The following ANO2 variants were observed in gnomAD, a reference collection of about 807,000 sequenced individuals.
ANO2 encodes the protein anoctamin 2.
In ANO2, 101 loss-of-function variants were observed where a neutral mutation model predicts 124.2. The observed-to-expected ratio is 0.81, with a 90% CI of 0.69 to 0.96. The LOEUF (loss-of-function observed/expected upper bound fraction) is 0.96. Among genes scored for constraint, ANO2 ranks in the 40% least tolerant of loss-of-function variants. The probability of loss-of-function intolerance (pLI) is 0.00; values close to 1 mark genes in which losing one functional copy is unlikely to be tolerated. For missense variants in ANO2, 1,293 were observed against 1,274.5 expected, an observed-to-expected ratio of 1.01 and a Z score of -0.22; for synonymous variants, 486 against 482.5, an observed-to-expected ratio of 1.01 and a Z score of -0.09.
intron 14 of ANO2, among the ~76,000 whole-genome samples, chr12:5,653,636 T>C (rs925336824): frequency 1.3e-5 from 2 of 152,190 alleles, no homozygotes; most frequent in African/African-American, 4.8e-5. Flanking sequence ...GAACATCAAA[T>C]ATGTACCAAG....
intron 3 of ANO2, among the ~76,000 whole-genome samples, chr12:5,894,687 C>A (rs1939649513): frequency 6.6e-6 from 1 of 152,120 alleles, no homozygotes; most frequent in Non-Finnish European, 1.5e-5. Flanking sequence ...AGGAAGGGAT[C>A]CAGTTTCAGT....
chr12:5,854,586 G>C (rs2137255871), intron 3 of ANO2, among the ~76,000 whole-genome samples: 1 of 152,192 alleles, frequency 6.6e-6, no homozygotes, highest in African/African-American at 2.4e-5. Context: ...TATTGTTCAA[G>C]TTTGTATTTT....
intron 4 of ANO2, among the ~76,000 whole-genome samples, chr12:5,847,116 T>G (rs1033798963): frequency 1.3e-5 from 2 of 152,186 alleles, no homozygotes; most frequent in African/African-American, 2.4e-5. Context: ...TAGAGCAGAT[T>G]ACCCTCCCTA....
chr12:5,630,311 T>G (rs547352051), intron 16 of ANO2, among the ~76,000 whole-genome samples: 17 of 152,354 alleles, frequency 1.1e-4, no homozygotes, highest in African/African-American at 3.6e-4. Context: ...TTCCATTAGG[T>G]GGCATTATCC....
At chr12:5,690,712 T>C (rs1298504336) in intron 14 of ANO2, among the ~76,000 whole-genome samples, 1 of 152,120 alleles carries the variant, frequency 6.6e-6, no homozygotes, top group African/African-American at 2.4e-5. Flanking sequence ...CCTATGACTC[T>C]TCCCTTGAGA....
At chr12:5,895,208 T>A (rs953835403) in intron 3 of ANO2, among the ~76,000 whole-genome samples, 1 of 152,210 alleles carries the variant, frequency 6.6e-6, no homozygotes, top group African/African-American at 2.4e-5. Context: ...GTCCTTCACA[T>A]CCCTTGTAAG....
intron 15 of ANO2, among the ~76,000 whole-genome samples, chr12:5,637,072 T>C (rs1217334101): frequency 6.9e-5 from 4 of 57,884 alleles, no homozygotes; most frequent in African/African-American, 2.8e-4. Flanking sequence ...TGCTGCAGGG[T>C]GGGGGTGGGG....
chr12:5,740,850 A>G (rs1951070833), intron 12 of ANO2: 1 of 152,264 alleles, frequency 6.6e-6, no homozygotes. Context: ...TTGACAACAT[A>G]TATCCCATGC....
At chr12:5,609,632 G>A (rs939512231) in intron 19 of ANO2, among the ~76,000 whole-genome samples, 1 of 152,062 alleles carries the variant, frequency 6.6e-6, no homozygotes, top group South Asian at 2.1e-4. Context: ...TGGAATGGGG[G>A]ATTGGGATAT....
intron 9 of ANO2, among the ~76,000 whole-genome samples, chr12:5,800,375 G>A (rs180706463): frequency 3.8e-4 from 58 of 152,304 alleles, no homozygotes; most frequent in African/African-American, 1.3e-3. Flanking sequence ...GGTTTTGAAG[G>A]AAGCCACTGG....
At chr12:5,758,624 C>A (rs1166324542) in intron 10 of ANO2, among the ~76,000 whole-genome samples, 1 of 152,158 alleles carries the variant, frequency 6.6e-6, no homozygotes, top group African/African-American at 2.4e-5. Flanking sequence ...TCACACAAAG[C>A]ATAAGGTAAT....
At chr12:5,619,596 TC>T (rs1363282257) in intron 16 of ANO2, among the ~76,000 whole-genome samples, 1 of 152,114 alleles carries the variant, frequency 6.6e-6, no homozygotes, top group Non-Finnish European at 1.5e-5. Context: ...GTATGCTGCT[TC>T]CAAGCCTGGG....
At chr12:5,641,217 C>T (rs1448743327) in intron 15 of ANO2, among the ~76,000 whole-genome samples, 1 of 149,330 alleles carries the variant, frequency 6.7e-6, no homozygotes, top group East Asian at 2.0e-4. Context: ...CACATTGGGG[C>T]CTGTCAGGGG....
rs539242302 is a variant in ANO2, at chr12:5,712,628, G to A, written c.1545+19892C>T. On this transcript the variant is annotated intron_variant, in intron 14 of 24. Transcript: ENST00000682330. ...AACTTGTGTTGTTTTAAGCCCTCCC[G>A]TTTGCAGTCACTTGTTGCAGCAGCC... is the stretch of plus-strand genomic sequence containing the variant. Among the ~76,000 whole-genome samples, 139 of 152,260 alleles carry A rather than the reference G, an allele frequency of 9.1e-4. 1 individual carries two copies. The highest frequency in any genetic ancestry group is 3.2e-3 in the African/African-American group (134 of 41,542).
At chr12:5,753,612 CTTAG>C (rs1290569994) in intron 10 of ANO2, among the ~76,000 whole-genome samples, 9 of 152,278 alleles carry the variant, frequency 5.9e-5, no homozygotes, top group Middle Eastern at 3.4e-3. Context: ...CTTTCACCCT[CTTAG>C]TTAAACTTAT....
intron 10 of ANO2, among the ~76,000 whole-genome samples, chr12:5,791,276 T>C (rs1408950765): frequency 9.9e-5 from 15 of 151,460 alleles, no homozygotes; most frequent in Admixed American, 9.9e-4. Flanking sequence ...GCTGACAATC[T>C]GACAACATGG....
chr12:5,721,512 G>GC (rs1950236599), intron 14 of ANO2, among the ~76,000 whole-genome samples: 1 of 130,030 alleles, frequency 7.7e-6, no homozygotes, highest in Non-Finnish European at 1.7e-5. Context: ...TTTTTTTTTT[G>GC]TTTTTTTTTA....
chr12:5,565,408 A>G, intron 24 of ANO2, 150 bp downstream of exon 24: 1 of 706,544 alleles, frequency 1.4e-6, no homozygotes, highest in Non-Finnish European at 2.4e-6. Flanking sequence ...TCAACCCGGA[A>G]AGGAGCCCTC....
intron 1 of ANO2, among the ~76,000 whole-genome samples, chr12:5,943,280 TGTGTGTG>T (rs1942966276): frequency 1.2e-4 from 1 of 8,594 alleles, no homozygotes; most frequent in Non-Finnish European, 1.9e-3. Flanking sequence ...TGTGTGTTTG[TGTGTGTG>T]TGTGTGTGTG....
Sources: allele counts gnomAD v4.1 joint callset (sites outside exome capture counted in the v4.1 genomes callset), GRCh38; gene constraint gnomAD v4.1.1; transcripts MANE v1.5; gene names NCBI Gene and HGNC (gene_info 2026-07-23, HGNC 2026-07-21).